The following COG8 variants were observed in gnomAD, a reference collection of about 807,000 sequenced individuals.
The protein encoded by COG8 is component of oligomeric golgi complex 8.
A neutral mutation model predicts 46.5 loss-of-function variants in COG8; 45 were observed. That is an observed-to-expected ratio of 0.97 (90% CI 0.76 to 1.24). COG8 has a LOEUF of 1.24. COG8 is among the 50% of genes most tolerant of loss of function. COG8 has a pLI of 0.00. For missense variants in COG8, 793 were observed against 820.8 expected (o/e 0.97, Z 0.41); for synonymous variants, 407 against 347.8 (o/e 1.17, Z -1.90).
At chr16:69,330,096 G>A in intron 5 of COG8, 3 of 1,579,350 alleles carry the variant, frequency 1.9e-6, no homozygotes, top group Non-Finnish European at 2.6e-6. Context: ...TCAAGCACTC[G>A]CAGGCTGGGG....
In COG8 at chr16:69,339,514, G is replaced by A. The variant is rs749705753; in HGVS notation, c.39C>T (p.Ala13=). ...TAATIPSVAT[A]TAAALGEVED... is the part of the protein sequence containing the mutation. ...CCACCTCGCCGAGAGCCGCTGCTGT[G>A]GCCGTGGCTACCGATGGGATAGTCG... The change falls in exon 1 of 6, where the codon GCC becomes GCT. Residue 13 remains alanine (A), a synonymous_variant. Coordinates refer to ENST00000306875, the MANE Select transcript of COG8 (RefSeq NM_032382.5). 22 of 1,607,668 alleles carry A rather than the reference G, an allele frequency of 1.4e-5. No individual in the cohort carries two copies. The highest frequency in any genetic ancestry group is 2.7e-5 in the African/African-American group (2 of 74,868).
rs2012427596 is a variant in COG8, at chr16:69,339,519, T to G, written c.34A>C (p.Thr12Pro). 6.2e-7 allele frequency: 1 copy of G among 1,607,644 alleles called. No homozygotes were observed. The highest frequency in any genetic ancestry group is 1.3e-5 in the African/African-American group (1 of 74,874). ...TCGCCGAGAGCCGCTGCTGTGGCCG[T>G]GGCTACCGATGGGATAGTCGCCGCG... ...ATAATIPSVA[T>P]ATAAALGEVE... Residue 12 changes from threonine to proline, a missense_variant, in exon 1 of 6, where the codon ACG becomes CCG. Thr to Pro is a conservative substitution (Grantham distance 38). Transcript: ENST00000306875.
chr16:69,336,614 G>A lies in COG8; in HGVS notation c.476C>T (p.Pro159Leu). The change falls in exon 2 of 6, where the codon CCT becomes CTT. Residue 159 changes from proline (P) to leucine (L), a missense_variant. Coordinates refer to ENST00000306875, the MANE Select transcript of COG8 (RefSeq NM_032382.5). ...CCGGACACAGGTGTCCATGAGCTGA[G>A]GAATCTCCAGTATTTCCAAAATTTC... ...HTEILEILEIPQLMDTCVRNS... is the reference protein window; with the variant it reads ...HTEILEILEILQLMDTCVRNS... 1 of 1,614,150 alleles carries A rather than the reference G, an allele frequency of 6.2e-7. No homozygotes were observed. Among genetic ancestry groups the A allele is most frequent in the Non-Finnish European group, 8.5e-7 (1 of 1,180,036 alleles).
intron 1 of COG8, among the ~76,000 whole-genome samples, chr16:69,337,280 CAAA>C (rs1205833347): frequency 2.9e-4 from 19 of 66,044 alleles, no homozygotes; most frequent in South Asian, 4.0e-4. Context: ...GACTCCGTCT[CAAA>C]AAAAAAAAAA....
At chr16:69,338,037 T>C (rs1044336151) in intron 1 of COG8, among the ~76,000 whole-genome samples, 10 of 151,406 alleles carry the variant, frequency 6.6e-5, no homozygotes, top group African/African-American at 2.4e-4. Context: ...CAGCCTTTTT[T>C]TCTTTTTTTA....
rs775953135 is a variant in COG8, at chr16:69,335,009, C to T, written c.925G>A (p.Val309Met). 5.6e-6 allele frequency: 9 copies of T among 1,614,140 alleles called. No individual in the cohort carries two copies. The highest frequency in any genetic ancestry group is 6.8e-6 in the Non-Finnish European group (8 of 1,180,022). The change falls in exon 3 of 6, where the codon GTG (valine) becomes ATG (methionine). Residue 309 changes from valine (V) to methionine (M), a missense_variant. Val to Met is a conservative substitution (Grantham distance 21, BLOSUM62 1). Transcript: ENST00000306875. ...LLPPAMGEHTVNESAIFHGWV... is the reference protein window; with the variant it reads ...LLPPAMGEHTMNESAIFHGWV... ...CCATGGAAGATGGCACTCTCATTCA[C>T]AGTGTGCTCACCCATGGCAGGGGGC...
rs1251237362 is a variant in COG8, at chr16:69,339,259, C to T, written c.294G>A (p.Glu98=). ...KTFIRGAECT[E]RIHRLFGDVE... ...CGTCGCCAAACAGGCGGTGGATGCG[C>T]TCGGTGCACTCGGCGCCGCGGATGA... Residue 98 remains glutamate, a synonymous_variant, in exon 1 of 6, where the codon GAG becomes GAA. Transcript: ENST00000306875. 2 of 1,612,644 alleles carry T rather than the reference C, an allele frequency of 1.2e-6. No individual in the cohort carries two copies. The highest frequency in any genetic ancestry group is 2.2e-5 in the South Asian group (2 of 91,080).
At position 69,326,817 on chromosome 16, in the gene COG8, T is replaced by G. The variant is rs757510040; in HGVS notation, c.*2389A>C. On this transcript the variant is annotated 3_prime_UTR_variant, in exon 6 of 6. Transcript: ENST00000306875. ...CCTACATTGGCTTTCACTGTGGAAG[T>G]TGATTTCTAAAACTCTGATGAGCTC... 1 of 152,238 alleles carries G rather than the reference T, an allele frequency of 6.6e-6. No individual in the cohort carries two copies. Among genetic ancestry groups the G allele is most frequent in the South Asian group, 2.1e-4 (1 of 4,830 alleles). 9.4% of individuals were successfully genotyped at this position (152,238 alleles called of 1,614,324 possible).
chr16:69,332,222 AGTCT>A (rs1177830831), intron 4 of COG8, among the ~76,000 whole-genome samples: 2 of 152,022 alleles, frequency 1.3e-5, no homozygotes, highest in Non-Finnish European at 2.9e-5. Flanking sequence ...TGGTGGTGCG[AGTCT>A]GTAGTCCCAG....
At position 69,327,141 on chromosome 16, in the gene COG8, A is replaced by G. The variant is rs1965615626; in HGVS notation, c.*2065T>C. The G allele has an allele frequency of 6.8e-6, 1 of 146,844 alleles. No individual in the cohort carries two copies. The highest frequency in any genetic ancestry group is 1.5e-5 in the Non-Finnish European group (1 of 67,156). The allele number at this position is 146,844 out of a possible 1,614,324, so 9.1% of individuals were successfully genotyped here. ...TTGGCTGCATCTCTGACCTTGCACC[A>G]GTATCTGGTTGGGATTCCCTTTTTT... On this transcript the variant is annotated 3_prime_UTR_variant, in exon 6 of 6. Coordinates refer to ENST00000306875, the MANE Select transcript of COG8 (RefSeq NM_032382.5).
Position 69,334,737 on chromosome 16 carries a change from G to C in COG8, c.1197C>G (p.Leu399=). The C allele has an allele frequency of 6.2e-7, 1 of 1,614,138 alleles. No individual in the cohort carries two copies. Among genetic ancestry groups the C allele is most frequent in the African/African-American group, 1.3e-5 (1 of 75,052 alleles). The change falls in exon 3 of 6, where the codon CTC becomes CTG. Residue 399 remains leucine, a synonymous_variant. Transcript: ENST00000306875. ...KFQEEMNSYM[L]ISAPAILGTS... is the part of the protein sequence containing the mutation. ...TGCCCAGGATGGCTGGAGCCGAGAT[G>C]AGCATGTAGGAGTTCATTTCTTCCT...
chr16:69,339,168 C>G lies in COG8; in HGVS notation c.377+8G>C. On this transcript the variant is annotated splice_region_variant and intron_variant, in intron 1 of 5. Transcript: ENST00000306875. ...TATAAAACCCCTTTAGCGCCAGGCG[C>G]GTCGCACCTGCAGCTCTGCTGGAAG... The G allele has an allele frequency of 2.5e-6, 4 of 1,612,936 alleles. No individual in the cohort carries two copies. The highest frequency in any genetic ancestry group is 2.5e-6 in the Non-Finnish European group (3 of 1,179,886).
In COG8 at chr16:69,330,294, G is replaced by A. The variant is rs929591259; in HGVS notation, c.*26+519C>T. 2.6e-5 allele frequency: 37 copies of A among 1,429,742 alleles called. No individual in the cohort carries two copies. In the East Asian group the frequency reaches 8.8e-4, roughly 34 times the overall value. The allele number at this position is 1,429,742 out of a possible 1,614,324, so 88.6% of individuals were successfully genotyped here. On this transcript the variant is annotated intron_variant, in intron 5 of 5. Transcript: ENST00000306875. ...TGGACCAGCCGTTGCGTCAGCCGCT[G>A]CAGCTCGGGCCCGCCTAGCTGCGCC...
At chr16:69,330,472 C>G in intron 5 of COG8, 1 of 1,472,614 alleles carries the variant, frequency 6.8e-7, no homozygotes, top group South Asian at 1.3e-5. Context: ...CCGGGGCGGC[C>G]GTGGAGCTGC....
rs146611857 is a variant in COG8, at chr16:69,335,318, G to A, written c.616C>T (p.Gln206Ter). The change falls in exon 3 of 6, where the codon CAG (glutamine) becomes TAG (stop). Residue 206 changes from glutamine to a stop codon, truncating the protein, a stop_gained. Coordinates refer to ENST00000306875, the MANE Select transcript of COG8 (RefSeq NM_032382.5). LOFTEE classifies it high-confidence loss of function. ...GIVNEVRQSM[Q>*]LMLSQLIQQL... ...TGGATCAGCTGGCTCAGCATCAGCT[G>A]CATGGACTGGCGCACTTCGTTCACG... is the stretch of plus-strand genomic sequence containing the variant. 6 of 1,606,472 alleles carry A rather than the reference G, an allele frequency of 3.7e-6. No homozygotes were observed. In the African/African-American group the frequency reaches 8.0e-5, roughly 21 times the overall value.
intron 3 of COG8, 68 bp from the exon 4 acceptor site, chr16:69,332,950 T>G: frequency 6.6e-7 from 1 of 1,515,916 alleles, no homozygotes; most frequent in East Asian, 2.3e-5. Flanking sequence ...TGCATGAAAC[T>G]AGGCAAAAAA....
rs199504043 is a variant in COG8 at position 69,330,986 on chromosome 16, G to A, written c.1692C>T (p.Thr564=). The A allele has an allele frequency of 2.9e-4, 459 of 1,606,130 alleles. 4 individuals carry two copies. In the East Asian group the frequency reaches 1.0e-2, roughly 35 times the overall value. The change falls in exon 5 of 6, where the codon ACC becomes ACT. Residue 564 remains threonine (T), a synonymous_variant. Coordinates refer to ENST00000306875, the MANE Select transcript of COG8 (RefSeq NM_032382.5). ...CGGGCCCCAGCGCCTGGTCATCCAG[G>A]GTGAAAAGCGTCTCTCTCTTTGGCA... ...FILPKRETLF[T]LDDQALGPEL... is the part of the protein sequence containing the mutation.
At position 69,328,882 on chromosome 16, in the gene COG8, G is replaced by T; in HGVS notation, c.*324C>A. 2 of 1,095,902 alleles carry T rather than the reference G, an allele frequency of 1.8e-6. No individual in the cohort carries two copies. Among genetic ancestry groups the T allele is most frequent in the African/African-American group, 1.6e-5 (1 of 62,224 alleles). The allele number at this position is 1,095,902 out of a possible 1,614,324, so 67.9% of individuals were successfully genotyped here. A position where few individuals can be genotyped will look rare whatever the true frequency, so the allele number is the denominator to read the frequency against. On this transcript the variant is annotated 3_prime_UTR_variant, in exon 6 of 6. Coordinates refer to ENST00000306875, the MANE Select transcript of COG8 (RefSeq NM_032382.5). ...CAAACATTTCTGACATCTTCCTCCA[G>T]CTCAGTCTGCCATGCCTTGGCAATC...
At chr16:69,333,166 G>GTTT (rs554776759) in intron 3 of COG8, among the ~76,000 whole-genome samples, 5 of 130,866 alleles carry the variant, frequency 3.8e-5, no homozygotes, top group South Asian at 2.5e-4. Flanking sequence ...CATGGTTTTG[G>GTTT]TTTTTTTTTT....
Sources: allele counts gnomAD v4.1 joint callset (sites outside exome capture counted in the v4.1 genomes callset), GRCh38; gene constraint gnomAD v4.1.1; transcripts MANE v1.5; gene names NCBI Gene and HGNC (gene_info 2026-07-23, HGNC 2026-07-21).